Variants in SENP8 observed in about 807,000 individuals in gnomAD.
SENP8 encodes the protein SUMO peptidase family member, NEDD8 specific.
Under a neutral mutation model 14.4 loss-of-function variants are expected in SENP8, and 10 were observed. The observed-to-expected ratio is 0.69, with a 90% confidence interval of 0.43 to 1.18. The LOEUF (loss-of-function observed/expected upper bound fraction) is 1.18. SENP8 is among the 50% of genes most tolerant of loss of function. The pLI is 0.00. For synonymous variants in SENP8, 94 were observed against 95.5 expected (o/e 0.98, Z 0.09); for missense variants, 202 against 249.4 (o/e 0.81, Z 1.28).
chr15:72,133,925 T>C (rs1348636738), intron 1 of SENP8, among the ~76,000 whole-genome samples: 2 of 152,116 alleles, frequency 1.3e-5, no homozygotes, highest in East Asian at 1.9e-4. Flanking sequence ...CTAGAAACAC[T>C]TTGTCTTTTT....
chr15:72,140,371 T>G lies in SENP8; in HGVS notation c.*109T>G. 1.4e-6 allele frequency: 1 copy of G among 740,520 alleles called. No individual in the cohort carries two copies. The highest frequency in any genetic ancestry group is 2.3e-6 in the Non-Finnish European group (1 of 441,466). 45.9% of individuals were successfully genotyped at this position (740,520 alleles called of 1,614,324 possible). A position where few individuals can be genotyped will look rare whatever the true frequency, so the allele number is the denominator to read the frequency against. On this transcript the variant is annotated 3_prime_UTR_variant, in exon 2 of 2. Coordinates refer to ENST00000340912, the MANE Select transcript of SENP8 (RefSeq NM_145204.4). ...GGGAAGATGCCTAGTAGAGGAAAGC[T>G]TAATACTCTTTTTCCTGAAAGAATA...
chr15:72,127,525 G>A (rs1301111829), intron 1 of SENP8, among the ~76,000 whole-genome samples: 10 of 152,132 alleles, frequency 6.6e-5, no homozygotes, highest in Non-Finnish European at 1.0e-4. Flanking sequence ...GGCAAGCAGG[G>A]AAATAATAGG....
chr15:72,116,717 C>T (rs960238648), upstream of SENP8: 9 of 152,042 alleles, frequency 5.9e-5, no homozygotes, highest in Non-Finnish European at 1.0e-4. Flanking sequence ...TGAAGTAATA[C>T]TACAAGACGA....
intron 1 of SENP8, among the ~76,000 whole-genome samples, chr15:72,120,428 G>A (rs946401025): frequency 6.6e-6 from 1 of 152,192 alleles, no homozygotes; most frequent in African/African-American, 2.4e-5. Context: ...GTAGAGGTGG[G>A]ACAGAGATGA....
intron 1 of SENP8, among the ~76,000 whole-genome samples, chr15:72,138,346 T>C (rs2081346721): frequency 6.9e-6 from 1 of 145,230 alleles, no homozygotes; most frequent in African/African-American, 2.5e-5. Context: ...ATTCTAGGTA[T>C]AACTTTTTTT....
intron 1 of SENP8, among the ~76,000 whole-genome samples, chr15:72,136,501 G>A (rs1596657360): frequency 1.3e-5 from 2 of 151,166 alleles, no homozygotes; most frequent in South Asian, 2.1e-4. Flanking sequence ...TTTCTCATAA[G>A]TAGCCTTATG....
rs1328766653 is a variant in SENP8, at chr15:72,140,262, G to A, written c.639G>A (p.Ter213=). ...KDLITTLAKK[*] is the part of the protein sequence containing the mutation. ...TCATTACCACACTTGCTAAAAAGTA[G>A]CTATTGAAGTATATTTGCGACTTTT... The change falls in exon 2 of 2, where the codon TAG becomes TAA. Residue 213 remains the stop codon, a stop_retained_variant. Coordinates refer to ENST00000340912, the MANE Select transcript of SENP8 (RefSeq NM_145204.4). 6.2e-7 allele frequency: 1 copy of A among 1,608,078 alleles called. No individual in the cohort carries two copies. Among genetic ancestry groups the A allele is most frequent in the Non-Finnish European group, 8.5e-7 (1 of 1,175,124 alleles).
chr15:72,121,097 G>A (rs750035648), intron 1 of SENP8, among the ~76,000 whole-genome samples: 5 of 152,200 alleles, frequency 3.3e-5, no homozygotes, highest in Non-Finnish European at 5.9e-5. Context: ...CTGCTGGGAT[G>A]AGAGGCTGGC....
At chr15:72,131,624 C>T (rs577224034) in intron 1 of SENP8, among the ~76,000 whole-genome samples, 43 of 152,288 alleles carry the variant, frequency 2.8e-4, no homozygotes, top group Non-Finnish European at 4.7e-4. Flanking sequence ...GTGTTCTACA[C>T]TTATGAATTC....
At chr15:72,119,053 G>C (rs1173796421) in intron 1 of SENP8, among the ~76,000 whole-genome samples, 3 of 152,196 alleles carry the variant, frequency 2.0e-5, no homozygotes, top group African/African-American at 4.8e-5. Flanking sequence ...AAATAAACCT[G>C]ATGGAAACCG....
chr15:72,117,576 C>A, upstream of SENP8: 1 of 381,936 alleles, frequency 2.6e-6, no homozygotes, highest in East Asian at 3.7e-5. Flanking sequence ...CGCGGGGCGT[C>A]TCCGCTGGGA....
At chr15:72,116,334 C>T (rs1269027541), upstream of SENP8, among the ~76,000 whole-genome samples, 1 of 152,122 alleles carries the variant, frequency 6.6e-6, no homozygotes, top group Admixed American at 6.5e-5. Context: ...TATATTTCAT[C>T]TTTATACCAA....
upstream of SENP8, among the ~76,000 whole-genome samples, chr15:72,115,823 A>C (rs1289950281): frequency 1.3e-5 from 2 of 152,214 alleles, no homozygotes; most frequent in Non-Finnish European, 2.9e-5. Flanking sequence ...AATTTTTTTC[A>C]ACTCACAAAA....
chr15:72,129,519 C>T (rs976068355), intron 1 of SENP8, among the ~76,000 whole-genome samples: 1 of 150,960 alleles, frequency 6.6e-6, no homozygotes, highest in Non-Finnish European at 1.5e-5. Context: ...TGCACCACCA[C>T]ACCCGGCTAA....
At chr15:72,117,890 T>A (rs1379197220), upstream of SENP8, 2 of 398,030 alleles carry the variant, frequency 5.0e-6, no homozygotes, top group African/African-American at 2.1e-5. Flanking sequence ...CCGCCCGGCC[T>A]GAGCAGGCAC....
chr15:72,125,009 G>A (rs554495565), intron 1 of SENP8, among the ~76,000 whole-genome samples: 10 of 151,970 alleles, frequency 6.6e-5, no homozygotes, highest in South Asian at 4.2e-4. Flanking sequence ...CTATTCCATC[G>A]TGTGGAAACC....
At chr15:72,134,945 A>G (rs1334484878) in intron 1 of SENP8, 2 of 300,918 alleles carry the variant, frequency 6.6e-6, no homozygotes, top group Non-Finnish European at 1.3e-5. Flanking sequence ...GAACAGAGAT[A>G]GCTTCCTGAA....
intron 1 of SENP8, chr15:72,134,986 G>A: frequency 3.2e-6 from 1 of 312,446 alleles, no homozygotes; most frequent in South Asian, 2.9e-5. Context: ...GAAAAAGAAG[G>A]AAGCCAAAGA....
chr15:72,141,882 A>G lies in SENP8; in HGVS notation c.*1620A>G, dbSNP rs1261823191. 6.6e-6 allele frequency: 1 copy of G among 152,252 alleles called. No individual in the cohort carries two copies. The allele number at this position is 152,252 out of a possible 1,614,324, so 9.4% of individuals were successfully genotyped here. A position where few individuals can be genotyped will look rare whatever the true frequency, so the allele number is the denominator to read the frequency against. ...TGACAAAGGTCACTGATGATAGGCC[A>G]CAAGTGTAGATAAAGATAAGAAAAC... On this transcript the variant is annotated 3_prime_UTR_variant, in exon 2 of 2. Coordinates refer to ENST00000340912, the MANE Select transcript of SENP8 (RefSeq NM_145204.4).
Sources: gnomAD v4.1 joint callset for allele counts (sites outside exome capture counted in the v4.1 genomes callset) on GRCh38, gnomAD v4.1.1 for gene constraint, MANE v1.5 for transcripts, NCBI Gene and HGNC (gene_info 2026-07-23, HGNC 2026-07-21) for gene names.